The following RCBTB2 variants were observed in gnomAD, a reference collection of about 807,000 sequenced individuals.
The protein encoded by RCBTB2 is RCC1 and BTB domain-containing protein 2.
RCBTB2 carries 55 observed loss-of-function variants against 65.4 expected under a neutral mutation model. The ratio of observed to expected loss-of-function variants is 0.84; its 90% confidence interval spans 0.68 to 1.05. RCBTB2 has a LOEUF of 1.05. Ranked by LOEUF, RCBTB2 falls within the 50% of genes least tolerant of loss-of-function variation. The probability of loss-of-function intolerance (pLI) is 0.00; values close to 1 mark genes in which losing one functional copy is unlikely to be tolerated. For synonymous variants in RCBTB2, 220 were observed against 255.2 expected, an observed-to-expected ratio of 0.86 and a Z score of 1.31; for missense variants, 599 against 680.1, an observed-to-expected ratio of 0.88 and a Z score of 1.33.
At position 48,490,310 on chromosome 13, in the gene RCBTB2, A is replaced by G. The variant is rs541137455; in HGVS notation, c.1516-59T>C. ...CATATTTACTAATTCAATGCAACAT[A>G]GCATGAAAATCGCTAAAACAAGTTA... is the stretch of plus-strand genomic sequence containing the variant. On this transcript the variant is annotated intron_variant, in intron 14 of 14. Transcript: ENST00000344532. 7 of 1,482,072 alleles carry G rather than the reference A, an allele frequency of 4.7e-6. No individual in the cohort carries two copies. In the South Asian group the frequency reaches 4.7e-5, roughly 10 times the overall value. The allele number at this position is 1,482,072 out of a possible 1,614,324, so 91.8% of individuals were successfully genotyped here. A position where few individuals can be genotyped will look rare whatever the true frequency, so the allele number is the denominator to read the frequency against.
chr13:48,512,444 A>G (rs1459094426), intron 7 of RCBTB2, among the ~76,000 whole-genome samples: 1 of 152,214 alleles, frequency 6.6e-6, no homozygotes, highest in East Asian at 1.9e-4. Context: ...TGCCCCAGCC[A>G]TCTTTTCCAG....
intron 14 of RCBTB2, among the ~76,000 whole-genome samples, chr13:48,493,259 A>ACACACACACACT (rs1555297731): frequency 8.2e-6 from 1 of 121,754 alleles, no homozygotes; most frequent in African/African-American, 3.4e-5. Context: ...ACACACACAC[A>ACACACACACACT]CTCTTCTCTC....
intron 9 of RCBTB2, among the ~76,000 whole-genome samples, chr13:48,511,029 G>A (rs1398197865): frequency 6.6e-6 from 1 of 151,856 alleles, no homozygotes; most frequent in Non-Finnish European, 1.5e-5. Flanking sequence ...GGGTATGAGG[G>A]GAATGTAAGA....
chr13:48,499,689 G>A lies in RCBTB2; in HGVS notation c.1316C>T (p.Pro439Leu). 6.2e-7 allele frequency: 1 copy of A among 1,614,108 alleles called. No individual in the cohort carries two copies. The highest frequency in any genetic ancestry group is 8.5e-7 in the Non-Finnish European group (1 of 1,179,994). The change falls in exon 13 of 15, where the codon CCT becomes CTT. Residue 439 changes from proline to leucine, a missense_variant. By Grantham distance (98) the Pro-to-Leu change is moderately conservative (BLOSUM62 -3). Transcript: ENST00000344532. ...DIVEMSEFSY[P>L]VYRAFLEYLY... ...GTATTCCAGGAAGGCCCGGTAAACA[G>A]GATATGAAAATTCACTCATTTCTAC...
At chr13:48,496,028 T>C (rs1043893793) in intron 14 of RCBTB2, among the ~76,000 whole-genome samples, 163 bp downstream of exon 14, 1 of 152,208 alleles carries the variant, frequency 6.6e-6, no homozygotes, top group African/African-American at 2.4e-5. Flanking sequence ...CCCAACATTA[T>C]ATAAATACTT....
At chr13:48,532,764 G>A (rs958350558) in intron 1 of RCBTB2, 1 of 308,932 alleles carries the variant, frequency 3.2e-6, no homozygotes, top group Non-Finnish European at 6.4e-6. Context: ...CGCATGCGCA[G>A]GGCCGCCTCT....
intron 5 of RCBTB2, 30 bp from the exon 6 acceptor site, chr13:48,515,385 A>C (rs1858594118): frequency 2.5e-6 from 4 of 1,600,434 alleles, no homozygotes; most frequent in Non-Finnish European, 3.4e-6. Context: ...TAGTTCAAGC[A>C]GTTCTATTTC....
intron 1 of RCBTB2, 187 bp downstream of exon 1, chr13:48,532,841 T>C: frequency 5.8e-6 from 2 of 347,728 alleles, no homozygotes; most frequent in Non-Finnish European, 1.1e-5. Flanking sequence ...GTTTTACGCA[T>C]GCGCGACGAC....
chr13:48,511,664 G>C, intron 9 of RCBTB2, 106 bp downstream of exon 9: 1 of 909,564 alleles, frequency 1.1e-6, no homozygotes, highest in Non-Finnish European at 1.6e-6. Context: ...AGACATCCAA[G>C]CAGCTAAACT....
At chr13:48,534,522 T>C (rs922784705), upstream of RCBTB2, among the ~76,000 whole-genome samples, 1 of 152,224 alleles carries the variant, frequency 6.6e-6, no homozygotes, top group Non-Finnish European at 1.5e-5. Context: ...TATGGACAGC[T>C]GAAGTTCATG....
chr13:48,493,328 CTCTCTCTCTCTCTTCTCT>C (rs1949820297), intron 14 of RCBTB2, among the ~76,000 whole-genome samples: 1 of 128,160 alleles, frequency 7.8e-6, no homozygotes, highest in Admixed American at 7.6e-5. Flanking sequence ...CTCTCTCTCT[CTCTCTCTCTCTCTTCTCT>C]TCTCTCTCTC....
chr13:48,510,816 A>T (rs757553067), intron 9 of RCBTB2, 45 bp from the exon 10 acceptor site: 27 of 1,556,326 alleles, frequency 1.7e-5, no homozygotes, highest in Non-Finnish European at 2.3e-5. Flanking sequence ...ATAAGTAATT[A>T]TTTCACTGCT....
In RCBTB2 at chr13:48,514,206, A is replaced by G. The variant is rs138743204; in HGVS notation, c.349+999T>C. On this transcript the variant is annotated intron_variant, in intron 6 of 14. Coordinates refer to ENST00000344532, the MANE Select transcript of RCBTB2 (RefSeq NM_001268.4). ...GTAAAATAAGGGTGACTTGAACACA[A>G]GCACTATGAAACCAAGAGAGTCAAT... Among the ~76,000 whole-genome samples, 877 of 152,316 alleles carry G rather than the reference A, an allele frequency of 5.8e-3. 6 individuals carry two copies. Among genetic ancestry groups the G allele is most frequent in the Middle Eastern group, 0.01 (3 of 294 alleles).
chr13:48,494,013 C>T (rs1949864860), intron 14 of RCBTB2, among the ~76,000 whole-genome samples: 1 of 152,218 alleles, frequency 6.6e-6, no homozygotes, highest in Admixed American at 6.5e-5. Context: ...TGTAGTTAAA[C>T]ATGCGGTTTT....
At chr13:48,508,043 A>G (rs1950589929) in intron 10 of RCBTB2, among the ~76,000 whole-genome samples, 1 of 152,246 alleles carries the variant, frequency 6.6e-6, no homozygotes. Flanking sequence ...GCTCCAGCAA[A>G]GAAAACAATG....
intron 1 of RCBTB2, among the ~76,000 whole-genome samples, chr13:48,526,931 T>A (rs1951770245): frequency 6.6e-6 from 1 of 152,020 alleles, no homozygotes; most frequent in Admixed American, 6.6e-5. Flanking sequence ...ATAATAATAA[T>A]AAATAGATTT....
chr13:48,509,689 CAT>C (rs1457017655), intron 10 of RCBTB2, among the ~76,000 whole-genome samples: 1 of 152,112 alleles, frequency 6.6e-6, no homozygotes, highest in African/African-American at 2.4e-5. Context: ...ACTTTTAAAA[CAT>C]AGGTTAAAGA....
chr13:48,493,340 C>CTCTCT (rs756141334), intron 14 of RCBTB2, among the ~76,000 whole-genome samples: 67 of 123,728 alleles, frequency 5.4e-4, no homozygotes, highest in South Asian at 2.1e-3. Context: ...CTCTCTCTCT[C>CTCTCT]TTCTCTTCTC....
In RCBTB2 at chr13:48,490,085, G is replaced by A; in HGVS notation, c.*26C>T. 5 of 1,612,830 alleles carry A rather than the reference G, an allele frequency of 3.1e-6. No individual in the cohort carries two copies. Among genetic ancestry groups the A allele is most frequent in the Non-Finnish European group, 4.2e-6 (5 of 1,179,082 alleles). ...TGGCTTTTGCAGGGGAAATGGAAAG[G>A]CTCAAAAACTTTCCTGCAGATGGGA... On this transcript the variant is annotated 3_prime_UTR_variant, in exon 15 of 15. Coordinates refer to ENST00000344532, the MANE Select transcript of RCBTB2 (RefSeq NM_001268.4).
Sources: allele counts gnomAD v4.1 joint callset (sites outside exome capture counted in the v4.1 genomes callset), GRCh38; gene constraint gnomAD v4.1.1; transcripts MANE v1.5; gene names NCBI Gene and HGNC (gene_info 2026-07-23, HGNC 2026-07-21).